Variants in NID1 observed in about 807,000 individuals in gnomAD.
NID1 encodes nidogen-1.
In NID1, 76 loss-of-function variants were observed where a neutral mutation model predicts 130.6. The ratio of observed to expected loss-of-function variants is 0.58; its 90% CI spans 0.48 to 0.70. The LOEUF (loss-of-function observed/expected upper bound fraction) is 0.70. Ranked by LOEUF, NID1 falls within the 30% of genes least tolerant of loss-of-function variation. The pLI is 0.00. For missense variants in NID1, 1,517 were observed against 1,664.8 expected (o/e 0.91, Z 1.54); for synonymous variants, 665 against 675.1 (o/e 0.98, Z 0.23).
intron 1 of NID1, among the ~76,000 whole-genome samples, chr1:236,055,753 C>T (rs994305567): frequency 6.6e-6 from 1 of 152,088 alleles, no homozygotes; most frequent in African/African-American, 2.4e-5. Context: ...CCAAGACTAA[C>T]GTTCTCTGTC....
At chr1:236,034,144 G>A (rs991467962) in intron 5 of NID1, among the ~76,000 whole-genome samples, 2 of 152,096 alleles carry the variant, frequency 1.3e-5, no homozygotes, top group Non-Finnish European at 2.9e-5. Flanking sequence ...CATGAGGCTG[G>A]GCCTGGTGGC....
rs959136572 is a variant in NID1 at position 236,039,149 on chromosome 1, TAATAC to T, written c.1136-901_1136-897del. On this transcript the variant is annotated intron_variant, in intron 4 of 19. Coordinates refer to ENST00000264187, the MANE Select transcript of NID1 (RefSeq NM_002508.3). ...ATATAAAATACAATATATTACATTATAATACATTATAACAGATAAAATATATTTAT... is the reference window on the plus strand; with the variant it reads ...ATATAAAATACAATATATTACATTATATTATAACAGATAAAATATATTTAT... Among the ~76,000 whole-genome samples the T allele has an allele frequency of 8.0e-3, 1,164 of 144,654 alleles. 16 individuals are homozygous for T. The highest frequency in any genetic ancestry group is 0.026 in the African/African-American group (1,035 of 39,780). 94.9% of individuals were successfully genotyped at this position (144,654 alleles called of 152,430 possible).
At chr1:236,025,779 A>T in intron 8 of NID1, 117 bp downstream of exon 8, 1 of 1,346,154 alleles carries the variant, frequency 7.4e-7, no homozygotes, top group South Asian at 1.4e-5. Flanking sequence ...CTGCCAGAAG[A>T]TACTTTAGCA....
In NID1 at chr1:236,024,169, G is replaced by A. The variant is rs1325621606; in HGVS notation, c.2029C>T (p.His677Tyr). ...ALQNPCYIGT[H>Y]GCDTNAACRP... Reference sequence around the variant, plus strand: ...CAGGCCGCGTTGGTGTCACACCCATGAGTGCCGATGTAGCAGGGATTCTGA... The same window carrying A: ...CAGGCCGCGTTGGTGTCACACCCATAAGTGCCGATGTAGCAGGGATTCTGA... The change falls in exon 9 of 20, where the codon CAT becomes TAT. Residue 677 changes from histidine to tyrosine, a missense_variant. Transcript: ENST00000264187. 6.2e-7 allele frequency: 1 copy of A among 1,614,172 alleles called. No individual in the cohort carries two copies. The highest frequency in any genetic ancestry group is 1.3e-5 in the African/African-American group (1 of 74,958).
chr1:236,029,735 C>A lies in NID1; in HGVS notation c.1553G>T (p.Arg518Leu), dbSNP rs752582788. Residue 518 changes from arginine (R) to leucine (L), a missense_variant, in exon 7 of 20, where the codon CGC becomes CTC. This residue lies in a region of NID1 where 1,329 missense variants were observed against 1,429.2 expected (regional missense o/e 0.93). Transcript: ENST00000264187. ...GFSITGGEFTRQAEVTFVGHP... is the reference protein window; with the variant it reads ...GFSITGGEFTLQAEVTFVGHP... ...CCCCACGAAGGTCACCTCAGCCTGGCGAGTGAACTCACCCCCTGAAAAACA... is the reference window on the plus strand; with the variant it reads ...CCCCACGAAGGTCACCTCAGCCTGGAGAGTGAACTCACCCCCTGAAAAACA... The A allele has an allele frequency of 2.5e-6, 4 of 1,614,094 alleles. No individual in the cohort carries two copies. Among genetic ancestry groups the A allele is most frequent in the Non-Finnish European group, 3.4e-6 (4 of 1,180,028 alleles).
At chr1:236,037,661 A>G (rs868385919) in intron 5 of NID1, among the ~76,000 whole-genome samples, 3 of 101,622 alleles carry the variant, frequency 3.0e-5, no homozygotes, top group African/African-American at 1.7e-4. Flanking sequence ...CTGTCTCAAG[A>G]AAAAAAAAAA....
At chr1:236,051,315 A>G (rs1041532212) in intron 1 of NID1, among the ~76,000 whole-genome samples, 2 of 131,100 alleles carry the variant, frequency 1.5e-5, no homozygotes, top group African/African-American at 5.9e-5. Context: ...TCCCTCAGTC[A>G]CTTCACACTT....
At chr1:236,006,070 C>T (rs1324416070) in intron 12 of NID1, among the ~76,000 whole-genome samples, 2 of 152,140 alleles carry the variant, frequency 1.3e-5, no homozygotes, top group Non-Finnish European at 2.9e-5. Context: ...ACTGACTGTC[C>T]TCTGCTTCTC....
chr1:236,004,996 GA>G (rs998446678), intron 12 of NID1, among the ~76,000 whole-genome samples: 12 of 151,844 alleles, frequency 7.9e-5, no homozygotes. Context: ...CCAACACGGT[GA>G]AACCCCATCT....
rs1659686373 is a variant in NID1 at position 236,048,861 on chromosome 1, C to T, written c.354G>A (p.Gly118=). The T allele has an allele frequency of 6.2e-7, 1 of 1,614,010 alleles. No individual in the cohort carries two copies. Among genetic ancestry groups the T allele is most frequent in the Non-Finnish European group, 8.5e-7 (1 of 1,180,042 alleles). ...LADLDTTDGL[G]KVYYREDLSP... is the part of the protein sequence containing the mutation. The stretch of plus-strand genomic sequence containing the variant: ...ATAAGTCTTCTCGATAATAAACCTT[C>T]CCCAGGCCATCGGTCGTGTCCAAGT... Residue 118 remains glycine (G), a synonymous_variant, in exon 2 of 20, where the codon GGG becomes GGA. Transcript: ENST00000264187.
chr1:235,982,359 G>A (rs1177338975), intron 15 of NID1, among the ~76,000 whole-genome samples: 1 of 152,198 alleles, frequency 6.6e-6, no homozygotes, highest in African/African-American at 2.4e-5. Context: ...AGGAGGCCAT[G>A]TTAATGAACT....
At chr1:235,986,275 A>G (rs1657570998) in intron 14 of NID1, among the ~76,000 whole-genome samples, 1 of 152,222 alleles carries the variant, frequency 6.6e-6, no homozygotes, top group Non-Finnish European at 1.5e-5. Context: ...CTATTCTAAG[A>G]TAATATGGTT....
chr1:236,062,119 T>A (rs960638556), intron 1 of NID1, among the ~76,000 whole-genome samples: 4 of 152,234 alleles, frequency 2.6e-5, no homozygotes, highest in Non-Finnish European at 5.9e-5. Context: ...CATTTGCATG[T>A]ATACCTCTTC....
chr1:236,032,205 T>C (rs1308021329), intron 6 of NID1, among the ~76,000 whole-genome samples, 196 bp downstream of exon 6: 1 of 151,950 alleles, frequency 6.6e-6, no homozygotes, highest in African/African-American at 2.4e-5. Context: ...ATATTAATGA[T>C]AATATTACAT....
chr1:235,993,288 G>T (rs568922545), intron 13 of NID1, among the ~76,000 whole-genome samples: 5 of 152,158 alleles, frequency 3.3e-5, no homozygotes, highest in Non-Finnish European at 7.4e-5. Context: ...CCACCTCCAC[G>T]CCTCCCTTGG....
intron 9 of NID1, among the ~76,000 whole-genome samples, chr1:236,021,171 G>A (rs1339348050): frequency 6.6e-6 from 1 of 152,152 alleles, no homozygotes; most frequent in South Asian, 2.1e-4. Context: ...AGCCTGGGAG[G>A]GCTCCCGTTC....
chr1:236,044,188 TAA>T (rs1659533568), intron 3 of NID1, among the ~76,000 whole-genome samples: 1 of 152,134 alleles, frequency 6.6e-6, no homozygotes, highest in African/African-American at 2.4e-5. Context: ...GGGATTCAAG[TAA>T]AGACAGTGGT....
intron 12 of NID1, among the ~76,000 whole-genome samples, chr1:236,002,875 T>G (rs1658121638): frequency 6.6e-6 from 1 of 152,144 alleles, no homozygotes; most frequent in African/African-American, 2.4e-5. Flanking sequence ...GTGGCCTGGT[T>G]TGGACCCTCC....
intron 3 of NID1, among the ~76,000 whole-genome samples, chr1:236,044,911 TCTTAAG>T (rs1659554521): frequency 1.3e-5 from 2 of 152,154 alleles, no homozygotes; most frequent in Non-Finnish European, 2.9e-5. Context: ...GTAAAAACTG[TCTTAAG>T]GCCGGGCGCG....
Sources: allele counts gnomAD v4.1 joint callset (sites outside exome capture counted in the v4.1 genomes callset), GRCh38; gene constraint gnomAD v4.1.1; regional missense constraint gnomAD v4.1.1; transcripts MANE v1.5; gene names NCBI Gene and HGNC (gene_info 2026-07-23, HGNC 2026-07-21).